Variants in SLC16A9 observed in about 807,000 individuals in gnomAD.
SLC16A9 encodes monocarboxylate transporter 9.
In SLC16A9, 26 loss-of-function variants were observed where a neutral mutation model predicts 44.3. That is an observed-to-expected ratio of 0.59 (90% CI 0.43 to 0.81). The LOEUF (loss-of-function observed/expected upper bound fraction) is 0.81. Among genes scored for constraint, SLC16A9 ranks in the 40% least tolerant of loss-of-function variants. The pLI, the probability that SLC16A9 is intolerant of heterozygous loss-of-function variation, is 0.00. For synonymous variants in SLC16A9, 230 were observed against 225.1 expected (o/e 1.02, Z -0.19); for missense variants, 559 against 595.8 (o/e 0.94, Z 0.64).
intron 1 of SLC16A9, among the ~76,000 whole-genome samples, chr10:59,706,793 T>C (rs1395942906): frequency 6.6e-6 from 1 of 151,544 alleles, no homozygotes; most frequent in Non-Finnish European, 1.5e-5. Flanking sequence ...GCCAACATGG[T>C]GAAACCCCAT....
chr10:59,671,359 G>A (rs537855782), intron 3 of SLC16A9, among the ~76,000 whole-genome samples: 5 of 152,328 alleles, frequency 3.3e-5, no homozygotes, highest in African/African-American at 1.2e-4. Flanking sequence ...GATAACGTGA[G>A]TCTTTCCCCA....
chr10:59,662,644 A>AAAAAG (rs1554867777), intron 4 of SLC16A9, among the ~76,000 whole-genome samples: 1 of 144,278 alleles, frequency 6.9e-6, no homozygotes, highest in Non-Finnish European at 1.5e-5. Flanking sequence ...AAAAAAAAAA[A>AAAAAG]AAAAAAAAAG....
At chr10:59,670,258 C>T (rs991243333) in intron 3 of SLC16A9, among the ~76,000 whole-genome samples, 5 of 152,078 alleles carry the variant, frequency 3.3e-5, no homozygotes, top group Non-Finnish European at 7.4e-5. Flanking sequence ...CACAATACCT[C>T]CATGAACTCA....
rs1037616567 is a variant in SLC16A9, at chr10:59,650,884, T to C, written c.*1888A>G. The C allele has an allele frequency of 6.6e-6, 1 of 152,190 alleles. No homozygotes were observed. Among genetic ancestry groups the C allele is most frequent in the Non-Finnish European group, 1.5e-5 (1 of 68,032 alleles). The allele number at this position is 152,190 out of a possible 1,614,324, so 9.4% of individuals were successfully genotyped here. The stretch of plus-strand genomic sequence containing the variant: ...AGATGCCTTTGGACAATTATCAGCA[T>C]TGATGAATATGAAGATGTCACATCA... On this transcript the variant is annotated 3_prime_UTR_variant, in exon 6 of 6. Coordinates refer to ENST00000395348, the MANE Select transcript of SLC16A9 (RefSeq NM_194298.3).
chr10:59,680,337 A>C (rs1839959979), intron 2 of SLC16A9, among the ~76,000 whole-genome samples: 1 of 152,188 alleles, frequency 6.6e-6, no homozygotes, highest in Non-Finnish European at 1.5e-5. Flanking sequence ...CTACTGTCCA[A>C]ATCTAGGTTT....
At chr10:59,667,495 T>C (rs1013917559) in intron 3 of SLC16A9, among the ~76,000 whole-genome samples, 5 of 152,224 alleles carry the variant, frequency 3.3e-5, no homozygotes, top group Non-Finnish European at 4.4e-5. Context: ...TCATAATAGA[T>C]ATGATATTTA....
intron 2 of SLC16A9, 37 bp from the exon 3 acceptor site, chr10:59,672,950 T>G (rs779389738): frequency 3.8e-6 from 6 of 1,573,818 alleles, no homozygotes; most frequent in Non-Finnish European, 4.3e-6. Flanking sequence ...TATTATCATA[T>G]GATCCATCCA....
In SLC16A9 at chr10:59,654,328, C is replaced by T; in HGVS notation, c.698G>A (p.Ser233Asn). The change falls in exon 5 of 6, where the codon AGT (serine) becomes AAT (asparagine). Residue 233 changes from serine (S) to asparagine (N), a missense_variant. Coordinates refer to ENST00000395348, the MANE Select transcript of SLC16A9 (RefSeq NM_194298.3). ...ENINILDKSY[S>N]SEEKCRITLA... is the part of the protein sequence containing the mutation. Reference sequence around the variant, plus strand: ...CGTGATCCTGCATTTTTCCTCACTACTGTAGCTCTTGTCAAGAATGTTTAT... The same window carrying T: ...CGTGATCCTGCATTTTTCCTCACTATTGTAGCTCTTGTCAAGAATGTTTAT... 1 of 1,614,140 alleles carries T rather than the reference C, an allele frequency of 6.2e-7. No homozygotes were observed. Among genetic ancestry groups the T allele is most frequent in the Non-Finnish European group, 8.5e-7 (1 of 1,180,024 alleles).
intron 4 of SLC16A9, among the ~76,000 whole-genome samples, chr10:59,663,547 G>T (rs1264676259): frequency 6.6e-6 from 1 of 150,708 alleles, no homozygotes; most frequent in Non-Finnish European, 1.5e-5. Flanking sequence ...TGATAAGTGG[G>T]AGTTGAACAA....
At chr10:59,703,554 A>G (rs908091044) in intron 1 of SLC16A9, among the ~76,000 whole-genome samples, 1 of 152,194 alleles carries the variant, frequency 6.6e-6, no homozygotes, top group African/African-American at 2.4e-5. Context: ...AGGGGAAGAA[A>G]TTGGCTATAT....
intron 2 of SLC16A9, among the ~76,000 whole-genome samples, chr10:59,675,113 A>T (rs1217922653): frequency 6.6e-6 from 1 of 152,212 alleles, no homozygotes. Context: ...GATTTAGAGA[A>T]ATATATCATT....
intron 1 of SLC16A9, among the ~76,000 whole-genome samples, chr10:59,703,922 C>T (rs1840582649): frequency 6.6e-6 from 1 of 151,982 alleles, no homozygotes; most frequent in South Asian, 2.1e-4. Flanking sequence ...CGGGGTTTCG[C>T]CCTGTTAGCC....
intron 2 of SLC16A9, among the ~76,000 whole-genome samples, chr10:59,674,492 G>C (rs1839818143): frequency 6.6e-6 from 1 of 152,110 alleles, no homozygotes; most frequent in Admixed American, 6.6e-5. Context: ...GACAAATAGA[G>C]GGAAATATTC....
chr10:59,701,907 G>A (rs144272423), intron 1 of SLC16A9, among the ~76,000 whole-genome samples: 1 of 152,272 alleles, frequency 6.6e-6, no homozygotes, highest in Non-Finnish European at 1.5e-5. Flanking sequence ...CTCTACATCA[G>A]TCATTCCTCC....
intron 1 of SLC16A9, among the ~76,000 whole-genome samples, chr10:59,700,714 C>T (rs1840503766): frequency 6.6e-6 from 1 of 152,188 alleles, no homozygotes; most frequent in South Asian, 2.1e-4. Flanking sequence ...CCTACCTCTG[C>T]TTCCTCACCT....
chr10:59,664,031 TAAAA>T (rs71467073), intron 4 of SLC16A9, among the ~76,000 whole-genome samples, 192 bp downstream of exon 4: 1 of 122,554 alleles, frequency 8.2e-6, no homozygotes, highest in Non-Finnish European at 1.7e-5. Flanking sequence ...ATGTAAAATG[TAAAA>T]AAAAAAAAAA....
At chr10:59,676,813 C>T (rs1462971014) in intron 2 of SLC16A9, among the ~76,000 whole-genome samples, 1 of 151,198 alleles carries the variant, frequency 6.6e-6, no homozygotes, top group Non-Finnish European at 1.5e-5. Context: ...ATCCCAGCTA[C>T]TCGGTAGGCT....
rs755832281 is a variant in SLC16A9, at chr10:59,654,131, C to A, written c.895G>T (p.Ala299Ser). 6.2e-7 allele frequency: 1 copy of A among 1,614,092 alleles called. No homozygotes were observed. The highest frequency in any genetic ancestry group is 8.5e-7 in the Non-Finnish European group (1 of 1,180,010). ...GAAAATACTTTGTTTTTAAAAAGAG[C>A]CACAGTTTCACCACAGTAGTTTTTA... ...LYKNYCGETV[A>S]LFKNKVFSAL... The change falls in exon 5 of 6, where the codon GCT (alanine) becomes TCT (serine). Residue 299 changes from alanine (A) to serine (S), a missense_variant. Transcript: ENST00000395348.
At chr10:59,707,333 G>A (rs1280312057) in intron 1 of SLC16A9, among the ~76,000 whole-genome samples, 1 of 135,040 alleles carries the variant, frequency 7.4e-6, no homozygotes, top group Non-Finnish European at 1.6e-5. Context: ...GGAAGGGAAG[G>A]GAGGGGAAGG....
Sources: gnomAD v4.1 joint callset for allele counts (sites outside exome capture counted in the v4.1 genomes callset) on GRCh38, gnomAD v4.1.1 for gene constraint, MANE v1.5 for transcripts, NCBI Gene and HGNC (gene_info 2026-07-23, HGNC 2026-07-21) for gene names.